The following PIP4K2A variants were observed in gnomAD, a reference collection of about 807,000 sequenced individuals.
PIP4K2A encodes phosphatidylinositol 5-phosphate 4-kinase type-2 alpha.
Under a neutral mutation model 42.9 loss-of-function variants are expected in PIP4K2A, and 14 were observed. That is an observed-to-expected ratio of 0.33 (90% CI 0.22 to 0.51). The LOEUF (loss-of-function observed/expected upper bound fraction) is 0.51, where lower values mean the gene tolerates loss of function less well. PIP4K2A is among the 20% of genes least tolerant of loss of function. The pLI is 0.97. For synonymous variants in PIP4K2A, 192 were observed against 192.2 expected, an observed-to-expected ratio of 1.00 and a Z score of 0.01; for missense variants, 434 against 519.8, an observed-to-expected ratio of 0.83 and a Z score of 1.61.
At chr10:22,544,022 T>C (rs1836195887) in intron 7 of PIP4K2A, among the ~76,000 whole-genome samples, 1 of 152,120 alleles carries the variant, frequency 6.6e-6, no homozygotes, top group Non-Finnish European at 1.5e-5. Context: ...TACTCTCTGC[T>C]CTCTATCAGC....
intron 5 of PIP4K2A, among the ~76,000 whole-genome samples, chr10:22,572,596 CTCTT>C (rs1378407550): frequency 3.4e-5 from 5 of 145,582 alleles, no homozygotes; most frequent in Admixed American, 6.8e-5. Context: ...CAGAGGAAGA[CTCTT>C]TCTCAAAAAA....
intron 6 of PIP4K2A, among the ~76,000 whole-genome samples, chr10:22,561,565 GTTTTTTTTTTT>G (rs71394001): frequency 1.8e-5 from 2 of 113,500 alleles, no homozygotes; most frequent in Non-Finnish European, 3.5e-5. Context: ...TCTCTACGCA[GTTTTTTTTTTT>G]TTTTTTTTTT....
At chr10:22,606,087 G>A (rs1837900205) in intron 3 of PIP4K2A, among the ~76,000 whole-genome samples, 2 of 148,034 alleles carry the variant, frequency 1.4e-5, no homozygotes, top group Admixed American at 1.4e-4. Context: ...TGGGAGGACG[G>A]CTTGAGGCCA....
intron 1 of PIP4K2A, among the ~76,000 whole-genome samples, chr10:22,629,640 C>A (rs1286614471): frequency 1.3e-5 from 2 of 152,076 alleles, no homozygotes; most frequent in African/African-American, 4.8e-5. Context: ...GTAGAGCTAA[C>A]CCCATCAGAA....
chr10:22,666,384 G>A (rs1197840633), intron 1 of PIP4K2A, among the ~76,000 whole-genome samples: 2 of 152,124 alleles, frequency 1.3e-5, no homozygotes, highest in African/African-American at 2.4e-5. Flanking sequence ...AAAAGTCACG[G>A]GAGAAACCAT....
chr10:22,536,863 G>A lies in PIP4K2A; in HGVS notation c.*338C>T, dbSNP rs1446376515. 1.5e-5 allele frequency: 3 copies of A among 193,664 alleles called. No individual in the cohort carries two copies. The highest frequency in any genetic ancestry group is 2.4e-5 in the African/African-American group (1 of 42,460). The allele number at this position is 193,664 out of a possible 1,614,324, so 12.0% of individuals were successfully genotyped here. ...TCACTCATTCATTCGGCCATAGCTG[G>A]AATCAAAGGGTCTTTGTTGGGACAC... On this transcript the variant is annotated 3_prime_UTR_variant, in exon 10 of 10. Transcript: ENST00000376573.
intron 1 of PIP4K2A, among the ~76,000 whole-genome samples, chr10:22,652,681 T>C (rs983536814): frequency 5.9e-5 from 9 of 152,226 alleles, no homozygotes; most frequent in Non-Finnish European, 1.2e-4. Flanking sequence ...GGTAAATTCA[T>C]CTTGCAACTC....
chr10:22,565,136 T>C (rs1564422970), intron 6 of PIP4K2A, among the ~76,000 whole-genome samples: 1 of 152,182 alleles, frequency 6.6e-6, no homozygotes, highest in South Asian at 2.1e-4. Flanking sequence ...CATGCTTCTC[T>C]TCTCCACACA....
At chr10:22,621,907 G>A (rs141632554) in intron 1 of PIP4K2A, among the ~76,000 whole-genome samples, 24 of 152,272 alleles carry the variant, frequency 1.6e-4, no homozygotes, top group African/African-American at 3.1e-4. Flanking sequence ...CAGAGGGGCC[G>A]CCTGCTTTCC....
intron 1 of PIP4K2A, among the ~76,000 whole-genome samples, chr10:22,645,968 G>A (rs914635384): frequency 9.2e-5 from 14 of 152,188 alleles, no homozygotes; most frequent in East Asian, 3.9e-4. Flanking sequence ...GAGATCCACC[G>A]ATCTTGGCGT....
At chr10:22,668,837 C>T (rs1839397649) in intron 1 of PIP4K2A, among the ~76,000 whole-genome samples, 1 of 152,088 alleles carries the variant, frequency 6.6e-6, no homozygotes, top group Non-Finnish European at 1.5e-5. Context: ...ATGCTTCAAG[C>T]AAAACATGGT....
chr10:22,701,261 T>C (rs1343816501), intron 1 of PIP4K2A, among the ~76,000 whole-genome samples: 1 of 152,092 alleles, frequency 6.6e-6, no homozygotes, highest in East Asian at 1.9e-4. Flanking sequence ...GGTAAGAAAA[T>C]GACCTAGGTG....
chr10:22,640,271 T>C (rs1380621469), intron 1 of PIP4K2A, among the ~76,000 whole-genome samples: 1 of 152,198 alleles, frequency 6.6e-6, no homozygotes, highest in South Asian at 2.1e-4. Context: ...ATGACGGCTA[T>C]TGCATCTGGG....
intron 4 of PIP4K2A, among the ~76,000 whole-genome samples, chr10:22,580,084 A>G (rs536214739): frequency 5.9e-5 from 9 of 151,942 alleles, no homozygotes; most frequent in African/African-American, 1.9e-4. Context: ...GGAGACTTCC[A>G]GGAGCACCTG....
chr10:22,580,420 C>T (rs541730329), intron 4 of PIP4K2A, among the ~76,000 whole-genome samples: 7 of 151,982 alleles, frequency 4.6e-5, no homozygotes, highest in African/African-American at 1.5e-4. Flanking sequence ...GAGGCCAAGG[C>T]GGGCGGATTA....
intron 1 of PIP4K2A, among the ~76,000 whole-genome samples, chr10:22,636,178 G>C (rs553374943): frequency 6.6e-6 from 1 of 152,096 alleles, no homozygotes; most frequent in Non-Finnish European, 1.5e-5. Context: ...AACAGGAAAC[G>C]TTCTCTCCTG....
intron 4 of PIP4K2A, among the ~76,000 whole-genome samples, chr10:22,583,831 G>A (rs955375508): frequency 4.6e-5 from 7 of 152,238 alleles, no homozygotes; most frequent in Admixed American, 2.0e-4. Flanking sequence ...CCAGCTGAGC[G>A]TGTACGGTCT....
intron 1 of PIP4K2A, among the ~76,000 whole-genome samples, chr10:22,640,171 T>A (rs2130790169): frequency 6.6e-6 from 1 of 152,210 alleles, no homozygotes; most frequent in African/African-American, 2.4e-5. Flanking sequence ...ATCCTCTACA[T>A]GAAGCTCACT....
At chr10:22,682,139 G>T (rs184696285) in intron 1 of PIP4K2A, among the ~76,000 whole-genome samples, 2 of 152,144 alleles carry the variant, frequency 1.3e-5, no homozygotes, top group African/African-American at 4.8e-5. Context: ...GCTCAAAGAG[G>T]AGTACTCTGT....
Sources: allele counts gnomAD v4.1 joint callset (sites outside exome capture counted in the v4.1 genomes callset), GRCh38; gene constraint gnomAD v4.1.1; transcripts MANE v1.5; gene names NCBI Gene and HGNC (gene_info 2026-07-23, HGNC 2026-07-21).